STK32B: variants seen among roughly 807,000 people sequenced by gnomAD.
The protein encoded by STK32B is serine/threonine-protein kinase 32B.
STK32B carries 43 observed loss-of-function variants against 52.6 expected under a neutral mutation model. That is an observed-to-expected ratio of 0.82 (90% CI 0.64 to 1.05). The LOEUF (loss-of-function observed/expected upper bound fraction) is 1.05. Among genes scored for constraint, STK32B ranks in the 50% least tolerant of loss-of-function variants. The pLI is 0.00. For synonymous variants in STK32B, 238 were observed against 204.3 expected (o/e 1.17, Z -1.41); for missense variants, 621 against 534.6 (o/e 1.16, Z -1.59).
chr4:5,333,818 G>C (rs142287367), intron 4 of STK32B, among the ~76,000 whole-genome samples: 11,103 of 152,104 alleles, frequency 0.073, 842 homozygotes, highest in Admixed American at 0.17. Flanking sequence ...GGGCTCTGTT[G>C]TGTTCCATTG....
At chr4:5,284,260 A>G (rs1040524278) in intron 3 of STK32B, among the ~76,000 whole-genome samples, 3 of 152,174 alleles carry the variant, frequency 2.0e-5, no homozygotes, top group Non-Finnish European at 4.4e-5. Flanking sequence ...CCATCAAACC[A>G]CAAAAGAAGA....
At chr4:5,184,106 A>G (rs554579228) in intron 3 of STK32B, among the ~76,000 whole-genome samples, 94 of 152,288 alleles carry the variant, frequency 6.2e-4, no homozygotes, top group African/African-American at 2.2e-3. Flanking sequence ...CTGCTCGGCA[A>G]AAGAACCCCA....
intron 3 of STK32B, among the ~76,000 whole-genome samples, chr4:5,240,534 AC>A (rs1724951519): frequency 1.3e-5 from 2 of 152,094 alleles, no homozygotes; most frequent in Non-Finnish European, 2.9e-5. Context: ...ATCTCTGCTC[AC>A]TGCAACCTCC....
chr4:5,131,096 G>A lies in STK32B; in HGVS notation c.53-8809G>A, dbSNP rs186021349. Among the ~76,000 whole-genome samples the A allele has an allele frequency of 2.7e-3, 409 of 152,304 alleles. 3 individuals carry two copies. The highest frequency in any genetic ancestry group is 9.4e-3 in the African/African-American group (389 of 41,566). Reference sequence around the variant, plus strand: ...TAGGCAGAGGATCCTTGGGAGCAGAGCCATCACATCTGAAGTCCTCTACTC... The same window carrying A: ...TAGGCAGAGGATCCTTGGGAGCAGAACCATCACATCTGAAGTCCTCTACTC... On this transcript the variant is annotated intron_variant, in intron 1 of 11. Transcript: ENST00000282908.
intron 2 of STK32B, among the ~76,000 whole-genome samples, chr4:5,167,720 G>A (rs551774174): frequency 2.7e-4 from 41 of 152,358 alleles, no homozygotes; most frequent in African/African-American, 9.1e-4. Flanking sequence ...TGATACTCCC[G>A]TTTCTAACAG....
chr4:5,021,027 A>T, the STK32B span, among the ~76,000 whole-genome samples: 1 of 152,118 alleles, frequency 6.6e-6, no homozygotes, highest in African/African-American at 2.4e-5. Flanking sequence ...ACAACCAAAG[A>T]TGCAGCCCAC....
At chr4:5,381,801 C>T (rs1341938732) in intron 4 of STK32B, among the ~76,000 whole-genome samples, 1 of 152,132 alleles carries the variant, frequency 6.6e-6, no homozygotes, top group East Asian at 1.9e-4. Context: ...AATCCTGGCT[C>T]TTCCATCACT....
chr4:5,338,746 A>T (rs1443698122), intron 4 of STK32B, among the ~76,000 whole-genome samples: 1 of 152,088 alleles, frequency 6.6e-6, no homozygotes, highest in African/African-American at 2.4e-5. Context: ...TTCCTCTGGT[A>T]GAGGTCATCT....
At chr4:5,268,723 G>A (rs979064336) in intron 3 of STK32B, among the ~76,000 whole-genome samples, 2 of 151,998 alleles carry the variant, frequency 1.3e-5, no homozygotes, top group African/African-American at 2.4e-5. Flanking sequence ...CACATGCCAC[G>A]GTTGTCAATT....
Position 5,396,454 on chromosome 4 carries a change from TATAGGGTCCCATTCTGAA to T in STK32B, c.435-1752_435-1735del, listed in dbSNP as rs1354557444. On this transcript the variant is annotated intron_variant, in intron 4 of 11. Coordinates refer to ENST00000282908, the MANE Select transcript of STK32B (RefSeq NM_018401.3). This position sits in a 1 kb window ranked among gnomAD's most constrained non-coding sequence, Gnocchi z 4.7. ...TACCTCTGCAAAGACTCCATTTCCA[TATAGGGTCCCATTCTGAA>T]GTTCTGGGTGGACATGAATTTTGAA... Among the ~76,000 whole-genome samples the T allele has an allele frequency of 2.6e-5, 4 of 152,194 alleles. No individual in the cohort carries two copies. Among genetic ancestry groups the T allele is most frequent in the Non-Finnish European group, 4.4e-5 (3 of 68,026 alleles).
rs528556681 is a variant in STK32B, at chr4:5,470,865, G to A, written c.1106+2795G>A. Among the ~76,000 whole-genome samples the A allele has an allele frequency of 5.9e-5, 9 of 152,310 alleles. No homozygotes were observed. The highest frequency in any genetic ancestry group is 4.1e-4 in the South Asian group (2 of 4,830). ...ACTTGAGTAGCTGGAAAATTAAATCGAGCACCTTCTTCCCCACTTGAGCAG... is the reference window on the plus strand; with the variant it reads ...ACTTGAGTAGCTGGAAAATTAAATCAAGCACCTTCTTCCCCACTTGAGCAG... On this transcript the variant is annotated intron_variant, in intron 11 of 11. Coordinates refer to ENST00000282908, the MANE Select transcript of STK32B (RefSeq NM_018401.3). The surrounding 1 kb of genome is among the most constrained non-coding windows in gnomAD (Gnocchi z 4.6).
At chr4:5,180,543 A>T (rs1720274970) in intron 3 of STK32B, among the ~76,000 whole-genome samples, 1 of 151,940 alleles carries the variant, frequency 6.6e-6, no homozygotes, top group Non-Finnish European at 1.5e-5. Context: ...CCTGCTTGGT[A>T]CCACACCCTA....
intron 3 of STK32B, among the ~76,000 whole-genome samples, chr4:5,303,555 T>C (rs939615079): frequency 4.6e-5 from 7 of 152,186 alleles, no homozygotes; most frequent in Non-Finnish European, 1.0e-4. Context: ...GCTGATTTGT[T>C]TGAGTTCCTT....
At chr4:5,339,270 T>G (rs1292746986) in intron 4 of STK32B, among the ~76,000 whole-genome samples, 7 of 152,314 alleles carry the variant, frequency 4.6e-5, no homozygotes, top group Non-Finnish European at 7.3e-5. Context: ...GGGAGCCGAT[T>G]CCCATGATAA....
At chr4:5,493,005 A>T (rs374417476) in intron 11 of STK32B, among the ~76,000 whole-genome samples, 15 of 151,520 alleles carry the variant, frequency 9.9e-5, no homozygotes, top group East Asian at 5.8e-4. Context: ...GGATTTTTGC[A>T]TCAATGTTCA....
At position 5,095,378 on chromosome 4, in the gene STK32B, G is replaced by T. The variant is rs187564921; in HGVS notation, c.52+43463G>T. Among the ~76,000 whole-genome samples, 505 of 152,336 alleles carry T rather than the reference G, an allele frequency of 3.3e-3. 3 individuals carry two copies. Among genetic ancestry groups the T allele is most frequent in the African/African-American group, 0.011 (473 of 41,578 alleles). On this transcript the variant is annotated intron_variant, in intron 1 of 11. Coordinates refer to ENST00000282908, the MANE Select transcript of STK32B (RefSeq NM_018401.3). The stretch of plus-strand genomic sequence containing the variant: ...ACCTGTAATCCCACCACTTTGGAAG[G>T]TCGAGGTGGGCGGATCACTTGAGGC...
chr4:5,115,565 C>T (rs962289938), intron 1 of STK32B, among the ~76,000 whole-genome samples: 2 of 151,836 alleles, frequency 1.3e-5, no homozygotes, highest in South Asian at 2.1e-4. Context: ...CAGATTTGAG[C>T]TTCCTTGAGG....
At chr4:5,423,444 G>A (rs1198797435) in intron 6 of STK32B, among the ~76,000 whole-genome samples, 1 of 152,146 alleles carries the variant, frequency 6.6e-6, no homozygotes, top group Non-Finnish European at 1.5e-5. Flanking sequence ...TTGCTTTGAG[G>A]ATTTATTGAC....
At position 5,434,454 on chromosome 4, in the gene STK32B, GTA is replaced by G. The variant is rs5855854; in HGVS notation, c.563-12201_563-12200del. 9.5e-3 allele frequency among the ~76,000 whole-genome samples: 1,252 copies of G among 131,154 alleles called. 6 individuals carry two copies. Among genetic ancestry groups the G allele is most frequent in the African/African-American group, 0.014 (498 of 35,020 alleles). 86.0% of individuals were successfully genotyped at this position (131,154 alleles called of 152,430 possible). A position where few individuals can be genotyped will look rare whatever the true frequency, so the allele number is the denominator to read the frequency against. Reference sequence around the variant, plus strand: ...TGTATGTGTGTGTGTGTGTGTGTGTGTATATATATATATATATATGATTTTTA... The same window carrying G: ...TGTATGTGTGTGTGTGTGTGTGTGTGTATATATATATATATATGATTTTTA... On this transcript the variant is annotated intron_variant, in intron 6 of 11. Coordinates refer to ENST00000282908, the MANE Select transcript of STK32B (RefSeq NM_018401.3).
Sources: allele counts gnomAD v4.1 joint callset (sites outside exome capture counted in the v4.1 genomes callset), GRCh38; gene constraint gnomAD v4.1.1; non-coding constraint Gnocchi (gnomAD v3.1); transcripts MANE v1.5; gene names NCBI Gene and HGNC (gene_info 2026-07-23, HGNC 2026-07-21).